SLC10A1: variants seen among roughly 807,000 people sequenced by gnomAD.
SLC10A1 encodes solute carrier family 10 member 1.
A neutral mutation model predicts 20.5 loss-of-function variants in SLC10A1; 36 were observed. That is an observed-to-expected ratio of 1.75 (90% confidence interval 1.34 to 2.32). The LOEUF is 2.32. Among genes scored for constraint, SLC10A1 ranks in the 30% most tolerant of loss-of-function variants. The pLI is 0.00. For synonymous variants in SLC10A1, 188 were observed against 163.6 expected, an observed-to-expected ratio of 1.15 and a Z score of -1.14; for missense variants, 545 against 439.1, an observed-to-expected ratio of 1.24 and a Z score of -2.16.
intron 1 of SLC10A1, among the ~76,000 whole-genome samples, chr14:69,789,014 A>T (rs1883785770): frequency 6.6e-6 from 1 of 152,242 alleles, no homozygotes; most frequent in African/African-American, 2.4e-5. Context: ...CCACTTTGAG[A>T]TACCACTTTA....
intron 1 of SLC10A1, among the ~76,000 whole-genome samples, chr14:69,788,846 A>G (rs1883782442): frequency 6.6e-6 from 1 of 152,214 alleles, no homozygotes; most frequent in Non-Finnish European, 1.5e-5. Context: ...GCGCCCGGCC[A>G]ATATATGAAG....
chr14:69,779,302 T>C lies in SLC10A1; in HGVS notation c.626A>G (p.Asn209Ser), dbSNP rs755766309. 3.7e-6 allele frequency: 6 copies of C among 1,613,764 alleles called. No individual in the cohort carries two copies. The highest frequency in any genetic ancestry group is 3.4e-6 in the Non-Finnish European group (4 of 1,179,962). Residue 209 changes from asparagine to serine, a missense_variant, in exon 3 of 5, where the codon AAT (asparagine) becomes AGT (serine). By Grantham distance (46) the Asn-to-Ser change is conservative. Transcript: ENST00000216540. ...GGCAAACATGATGCTCTTCCCCACA[T>C]TGATGGCAGAGAGAACTGTGACGGC... ...SVAVTVLSAINVGKSIMFAMT... is the reference protein window; with the variant it reads ...SVAVTVLSAISVGKSIMFAMT...
Position 69,796,866 on chromosome 14 carries a change from C to T in SLC10A1, c.290G>A (p.Gly97Asp). The stretch of plus-strand genomic sequence containing the variant: ...GGACAGGTTCCCTCCAGGTGAGCAG[C>T]CACAGACCAAGATGGCCAGTGCCTC... ...NIEALAILVC[G>D]CSPGGNLSNV... The change falls in exon 1 of 5, where the codon GGC (glycine) becomes GAC (aspartate). Residue 97 changes from glycine (G) to aspartate (D), a missense_variant. By Grantham distance (94) the Gly-to-Asp change is moderately conservative. Coordinates refer to ENST00000216540, the MANE Select transcript of SLC10A1 (RefSeq NM_003049.4). The T allele has an allele frequency of 6.2e-7, 1 of 1,614,220 alleles. No homozygotes were observed. The highest frequency in any genetic ancestry group is 8.5e-7 in the Non-Finnish European group (1 of 1,180,044).
chr14:69,796,264 C>T (rs114302647), intron 1 of SLC10A1, among the ~76,000 whole-genome samples: 20 of 152,146 alleles, frequency 1.3e-4, no homozygotes, highest in Non-Finnish European at 2.6e-4. Flanking sequence ...GTCATTGCAT[C>T]TGATGGGGAA....
At chr14:69,792,216 C>T (rs1338598512) in intron 1 of SLC10A1, among the ~76,000 whole-genome samples, 1 of 152,014 alleles carries the variant, frequency 6.6e-6, no homozygotes, top group Non-Finnish European at 1.5e-5. Context: ...AAACATAAAC[C>T]ACAAAGGAAA....
At chr14:69,795,674 A>C (rs112707530) in intron 1 of SLC10A1, among the ~76,000 whole-genome samples, 8,281 of 152,024 alleles carry the variant, frequency 0.054, 727 homozygotes, top group African/African-American at 0.19. Context: ...TGGCCTCCCA[A>C]AGTGCTGGGA....
chr14:69,791,950 T>TA (rs200664202), intron 1 of SLC10A1, among the ~76,000 whole-genome samples: 2 of 151,660 alleles, frequency 1.3e-5, no homozygotes, highest in African/African-American at 4.9e-5. Flanking sequence ...TTGTAGACAG[T>TA]AAATTTTTTT....
At chr14:69,781,766 C>T (rs1883597662) in intron 2 of SLC10A1, among the ~76,000 whole-genome samples, 1 of 152,190 alleles carries the variant, frequency 6.6e-6, no homozygotes, top group African/African-American at 2.4e-5. Flanking sequence ...TTTGGATAAA[C>T]CCTTGCATGG....
At chr14:69,787,507 A>G (rs755048180) in intron 1 of SLC10A1, among the ~76,000 whole-genome samples, 2 of 152,202 alleles carry the variant, frequency 1.3e-5, no homozygotes, top group Non-Finnish European at 2.9e-5. Flanking sequence ...CTCCATCTAC[A>G]CTTCTTTCAT....
rs781167316 is a variant in SLC10A1, at chr14:69,779,365, G to A, written c.568-5C>T. On this transcript the variant is annotated splice_polypyrimidine_tract_variant and splice_region_variant and intron_variant, in intron 2 of 4. Transcript: ENST00000216540. Reference sequence around the variant, plus strand: ...GAGAATGATGATCATCCCTCCCTGGGAATGAAGACAAGAAAAGGCAATTAG... The same window carrying A: ...GAGAATGATGATCATCCCTCCCTGGAAATGAAGACAAGAAAAGGCAATTAG... 67 of 1,601,930 alleles carry A rather than the reference G, an allele frequency of 4.2e-5. No homozygotes were observed. Among genetic ancestry groups the A allele is most frequent in the Non-Finnish European group, 5.6e-5 (66 of 1,170,980 alleles).
Position 69,775,489 on chromosome 14 carries a change from T to A in SLC10A1, c.*793A>T, listed in dbSNP as rs1431749918. The A allele has an allele frequency of 6.6e-6, 1 of 152,256 alleles. No homozygotes were observed. Among genetic ancestry groups the A allele is most frequent in the East Asian group, 1.9e-4 (1 of 5,206 alleles). The allele number at this position is 152,256 out of a possible 1,614,324, so 9.4% of individuals were successfully genotyped here. A position where few individuals can be genotyped will look rare whatever the true frequency, so the allele number is the denominator to read the frequency against. ...AATTCTAGGTATTTGAACATTTTTC[T>A]TTGAATTGGGAAACGACTCATTTTG... On this transcript the variant is annotated 3_prime_UTR_variant, in exon 5 of 5. Coordinates refer to ENST00000216540, the MANE Select transcript of SLC10A1 (RefSeq NM_003049.4).
intron 1 of SLC10A1, among the ~76,000 whole-genome samples, chr14:69,786,586 T>G (rs1288897074): frequency 1.3e-5 from 2 of 152,188 alleles, no homozygotes; most frequent in Non-Finnish European, 2.9e-5. Context: ...CCTGTGTGCT[T>G]CATTGTGGAA....
At chr14:69,782,814 A>G (rs1018979232) in intron 2 of SLC10A1, among the ~76,000 whole-genome samples, 1 of 150,642 alleles carries the variant, frequency 6.6e-6, no homozygotes. Flanking sequence ...TCTCGAAAAA[A>G]AAAAAAAAAA....
At position 69,776,216 on chromosome 14, in the gene SLC10A1, C is replaced by T; in HGVS notation, c.*66G>A. 1.7e-6 allele frequency: 2 copies of T among 1,180,224 alleles called. No homozygotes were observed. Among genetic ancestry groups the T allele is most frequent in the African/African-American group, 1.5e-5 (1 of 65,674 alleles). 73.1% of individuals were successfully genotyped at this position (1,180,224 alleles called of 1,614,324 possible). On this transcript the variant is annotated 3_prime_UTR_variant, in exon 5 of 5. Coordinates refer to ENST00000216540, the MANE Select transcript of SLC10A1 (RefSeq NM_003049.4). ...GCAAGACTGGTGTTTTTGCTGCTCTCTCTAGTTTACCACACTGGCTTTCAG... is the reference window on the plus strand; with the variant it reads ...GCAAGACTGGTGTTTTTGCTGCTCTTTCTAGTTTACCACACTGGCTTTCAG...
At chr14:69,788,794 C>T (rs1883781560) in intron 1 of SLC10A1, among the ~76,000 whole-genome samples, 1 of 151,998 alleles carries the variant, frequency 6.6e-6, no homozygotes, top group African/African-American at 2.4e-5. Context: ...GATCCACCCG[C>T]CTGGGCCTCC....
chr14:69,796,058 A>G (rs1372487715), intron 1 of SLC10A1, among the ~76,000 whole-genome samples: 1 of 152,194 alleles, frequency 6.6e-6, no homozygotes, highest in Non-Finnish European at 1.5e-5. Flanking sequence ...GTTTGGAAGG[A>G]TGAGCATCAA....
At chr14:69,777,586 T>TTTG (rs1883476101) in intron 4 of SLC10A1, among the ~76,000 whole-genome samples, 1 of 90,722 alleles carries the variant, frequency 1.1e-5, no homozygotes, top group African/African-American at 6.5e-5. Flanking sequence ...CTGTTTTTTT[T>TTTG]TTTTTTTTTT....
intron 1 of SLC10A1, among the ~76,000 whole-genome samples, chr14:69,789,167 AAC>A (rs1310919056): frequency 6.6e-6 from 1 of 152,212 alleles, no homozygotes; most frequent in African/African-American, 2.4e-5. Context: ...AGAAAATTTA[AAC>A]ACAGAGTCAC....
intron 2 of SLC10A1, among the ~76,000 whole-genome samples, chr14:69,782,280 GTC>G (rs1297317974): frequency 1.3e-5 from 2 of 152,176 alleles, no homozygotes; most frequent in Admixed American, 6.5e-5. Flanking sequence ...CTTATTACTA[GTC>G]TCTGTTTTTC....
Sources: gnomAD v4.1 joint callset for allele counts (sites outside exome capture counted in the v4.1 genomes callset) on GRCh38, gnomAD v4.1.1 for gene constraint, MANE v1.5 for transcripts, NCBI Gene and HGNC (gene_info 2026-07-23, HGNC 2026-07-21) for gene names.